CHLSN: variants seen among roughly 807,000 people sequenced by gnomAD.
The protein encoded by CHLSN is cholesin, also known as protein cholesin.
chr7:1,017,477 G>C, the CHLSN span, among the ~76,000 whole-genome samples: 1 of 152,226 alleles, frequency 6.6e-6, no homozygotes, highest in Admixed American at 6.5e-5. Flanking sequence ...TACGATGTCA[G>C]CCGGGTGACG....
the CHLSN span, among the ~76,000 whole-genome samples, chr7:1,060,134 T>A: frequency 6.6e-6 from 1 of 152,196 alleles, no homozygotes; most frequent in South Asian, 2.1e-4. Flanking sequence ...TTGTAAAACA[T>A]CTACTTTAAA....
At chr7:1,013,388 T>G in the CHLSN span, among the ~76,000 whole-genome samples, 222 of 152,288 alleles carry the variant, frequency 1.5e-3, 1 homozygote, top group Non-Finnish European at 2.5e-3. Flanking sequence ...AGAATCCCAG[T>G]GTCAAATAAA....
chr7:1,053,462 C>T, the CHLSN span, among the ~76,000 whole-genome samples: 1 of 152,264 alleles, frequency 6.6e-6, no homozygotes, highest in Non-Finnish European at 1.5e-5. Flanking sequence ...GGTGGGAACA[C>T]TGGCTCACAT....
chr7:982,304 G>C, the CHLSN span, among the ~76,000 whole-genome samples: 2 of 152,228 alleles, frequency 1.3e-5, no homozygotes, highest in Non-Finnish European at 2.9e-5. Context: ...AGGCTGCCTC[G>C]GCTCTGCGGT....
At chr7:1,072,676 C>CTT in the CHLSN span, among the ~76,000 whole-genome samples, 786 of 110,206 alleles carry the variant, frequency 7.1e-3, 5 homozygotes, top group African/African-American at 0.016. Context: ...CTTTTCTTTC[C>CTT]TTTTTTTTTT....
the CHLSN span, among the ~76,000 whole-genome samples, chr7:1,053,752 G>A: frequency 7.9e-5 from 12 of 152,276 alleles, no homozygotes; most frequent in East Asian, 3.9e-4. Flanking sequence ...GCTTGAACCC[G>A]GGAGGCGGAG....
chr7:1,052,426 G>C, the CHLSN span, among the ~76,000 whole-genome samples: 1 of 152,230 alleles, frequency 6.6e-6, no homozygotes, highest in Non-Finnish European at 1.5e-5. The surrounding 1 kb of genome is among the most constrained non-coding windows in gnomAD (Gnocchi z 4.2). Context: ...GAGGAGTCGT[G>C]GGGGAGGGTT....
At chr7:1,080,039 G>A in the CHLSN span, among the ~76,000 whole-genome samples, 1 of 152,134 alleles carries the variant, frequency 6.6e-6, no homozygotes, top group Non-Finnish European at 1.5e-5. Flanking sequence ...GACTGTGAAG[G>A]GCCAACCCCT....
At chr7:1,068,477 A>G in the CHLSN span, among the ~76,000 whole-genome samples, 1 of 152,162 alleles carries the variant, frequency 6.6e-6, no homozygotes, top group African/African-American at 2.4e-5. Context: ...CGCCCTCCAC[A>G]GTCACACAAA....
chr7:1,041,993 G>A, the CHLSN span, among the ~76,000 whole-genome samples: 1 of 152,220 alleles, frequency 6.6e-6, no homozygotes, highest in African/African-American at 2.4e-5. Context: ...ACATCTCCGT[G>A]AGACACGCGG....
chr7:982,077 T>C, the CHLSN span, among the ~76,000 whole-genome samples: 2 of 151,410 alleles, frequency 1.3e-5, no homozygotes, highest in African/African-American at 2.5e-5. Flanking sequence ...CTGAATTAAT[T>C]AAGTAAGCTT....
the CHLSN span, chr7:984,907 G>T: frequency 6.5e-7 from 1 of 1,538,278 alleles, no homozygotes; most frequent in African/African-American, 1.4e-5. Flanking sequence ...GGGGCTGGCT[G>T]GGGTGGGAAC....
chr7:1,108,770 T>G, the CHLSN span, among the ~76,000 whole-genome samples: 5 of 152,132 alleles, frequency 3.3e-5, no homozygotes, highest in South Asian at 1.0e-3. Flanking sequence ...GTGCACCCGC[T>G]TTGATGCCGA....
the CHLSN span, among the ~76,000 whole-genome samples, chr7:1,047,281 G>A: frequency 2.0e-5 from 3 of 152,182 alleles, no homozygotes; most frequent in African/African-American, 7.2e-5. Context: ...AAACATGCTC[G>A]CTATTATCCA....
chr7:1,097,590 G>A, the CHLSN span, among the ~76,000 whole-genome samples: 1 of 152,218 alleles, frequency 6.6e-6, no homozygotes, highest in African/African-American at 2.4e-5. The surrounding 1 kb of genome is among the most constrained non-coding windows in gnomAD (Gnocchi z 4.3). Flanking sequence ...CCTTTCAGAG[G>A]GAGACGGGGG....
At chr7:1,051,782 T>A in the CHLSN span, among the ~76,000 whole-genome samples, 1 of 152,216 alleles carries the variant, frequency 6.6e-6, no homozygotes, top group Non-Finnish European at 1.5e-5. Context: ...GAGACTAGCC[T>A]GGGCAACATA....
At chr7:1,005,550 C>A in the CHLSN span, among the ~76,000 whole-genome samples, 1 of 152,222 alleles carries the variant, frequency 6.6e-6, no homozygotes, top group South Asian at 2.1e-4. Flanking sequence ...GCTGGGCTGT[C>A]CCTCGGCAGC....
the CHLSN span, among the ~76,000 whole-genome samples, chr7:1,133,405 A>AAAC: frequency 2.6e-4 from 40 of 151,706 alleles, no homozygotes; most frequent in African/African-American, 8.4e-4. Flanking sequence ...AAAAAAAAAA[A>AAAC]AAAAAAAACT....
chr7:1,012,360 T>C, the CHLSN span, among the ~76,000 whole-genome samples: 1 of 152,156 alleles, frequency 6.6e-6, no homozygotes, highest in African/African-American at 2.4e-5. Flanking sequence ...ACGTGGGCGC[T>C]GGCCTGGGGT....
Sources: allele counts gnomAD v4.1 joint callset (sites outside exome capture counted in the v4.1 genomes callset), GRCh38; gene constraint gnomAD v4.1.1; non-coding constraint Gnocchi (gnomAD v3.1); transcripts MANE v1.5; gene names NCBI Gene and HGNC (gene_info 2026-07-23, HGNC 2026-07-21).